GTF2IRD1: variants seen among roughly 807,000 people sequenced by gnomAD.
The protein encoded by GTF2IRD1 is general transcription factor II-I repeat domain-containing protein 1.
GTF2IRD1 carries 26 observed loss-of-function variants against 113.2 expected under a neutral mutation model. That is an observed-to-expected ratio of 0.23 (90% confidence interval 0.17 to 0.32). The LOEUF is 0.32. GTF2IRD1 is among the 10% of genes least tolerant of loss of function. GTF2IRD1 has a pLI of 1.00. For missense variants in GTF2IRD1, 864 were observed against 1,280.8 expected, an observed-to-expected ratio of 0.67 and a Z score of 4.97; for synonymous variants, 484 against 529.1, an observed-to-expected ratio of 0.91 and a Z score of 1.17.
At chr7:74,589,992 C>G in intron 23 of GTF2IRD1, 64 bp downstream of exon 23, 3 of 1,040,388 alleles carry the variant, frequency 2.9e-6, no homozygotes, top group South Asian at 2.7e-5. Context: ...GGGGGCCTCC[C>G]TCTGCAGCCA....
chr7:74,601,344 C>G (rs1051158600), intron 26 of GTF2IRD1, 164 bp downstream of exon 26: 8 of 1,533,136 alleles, frequency 5.2e-6, no homozygotes, highest in Non-Finnish European at 7.0e-6. Context: ...CCACCTGTCT[C>G]ACCCAAGAGG....
chr7:74,515,625 G>GC, intron 4 of GTF2IRD1, 29 bp downstream of exon 4: 1 of 1,585,950 alleles, frequency 6.3e-7, no homozygotes, highest in Non-Finnish European at 8.6e-7. Flanking sequence ...CCATTTGGGG[G>GC]CCCCAGGGAG....
intron 22 of GTF2IRD1, among the ~76,000 whole-genome samples, chr7:74,576,047 G>A (rs1342217135): frequency 6.6e-6 from 1 of 151,940 alleles, no homozygotes; most frequent in Non-Finnish European, 1.5e-5. Context: ...TGTGGTCCCA[G>A]CTACTAGGGA....
intron 12 of GTF2IRD1, among the ~76,000 whole-genome samples, 200 bp from the exon 13 acceptor site, chr7:74,538,480 G>A (rs1481956550): frequency 6.6e-6 from 1 of 152,226 alleles, no homozygotes; most frequent in African/African-American, 2.4e-5. Context: ...CACCGGGTCT[G>A]TAAATCGGAG....
Position 74,558,952 on chromosome 7 carries a change from A to G in GTF2IRD1, c.2199A>G (p.Pro733=). 6.2e-7 allele frequency: 1 copy of G among 1,614,096 alleles called. No individual in the cohort carries two copies. Among genetic ancestry groups the G allele is most frequent in the Non-Finnish European group, 8.5e-7 (1 of 1,180,000 alleles). ...CCGTGATCATCGAGGGGCTGCCCCC[A>G]GGAATCCCGTTCCGAAAGCCCTGTA... The part of the protein sequence containing the change: ...PGSVIIEGLP[P]GIPFRKPCTF... Residue 733 remains proline (P), a synonymous_variant, in exon 21 of 27, where the codon CCA becomes CCG. Transcript: ENST00000424337.
At chr7:74,549,870 T>C (rs1799197887) in intron 17 of GTF2IRD1, among the ~76,000 whole-genome samples, 1 of 152,074 alleles carries the variant, frequency 6.6e-6, no homozygotes, top group Non-Finnish European at 1.5e-5. Context: ...ACCCCATCTC[T>C]ACTAAAAAAT....
intron 9 of GTF2IRD1, among the ~76,000 whole-genome samples, 155 bp from the exon 10 acceptor site, chr7:74,534,958 C>T (rs1480182637): frequency 6.6e-6 from 1 of 152,122 alleles, no homozygotes; most frequent in Admixed American, 6.5e-5. Context: ...CAGACATGCC[C>T]TCTCCTGCCT....
At chr7:74,481,949 G>A (rs1387507341) in intron 1 of GTF2IRD1, among the ~76,000 whole-genome samples, 6 of 152,190 alleles carry the variant, frequency 3.9e-5, no homozygotes, top group East Asian at 1.9e-4. Context: ...CCAGGATTTA[G>A]TGTGAAACTC....
chr7:74,526,208 A>T lies in GTF2IRD1; in HGVS notation c.1090+2054A>T, dbSNP rs189658119. Reference sequence around the variant, plus strand: ...CCTGTCCCACGCTCTGGACTTTCCAAAATGCCAAGCCTTTTCCAAATGTCA... The same window carrying T: ...CCTGTCCCACGCTCTGGACTTTCCATAATGCCAAGCCTTTTCCAAATGTCA... On this transcript the variant is annotated intron_variant, in intron 8 of 26. Transcript: ENST00000424337. Among the ~76,000 whole-genome samples the T allele has an allele frequency of 9.8e-5, 15 of 152,316 alleles. No individual in the cohort carries two copies. The East Asian group carries it at 2.9e-3, about 29-fold the overall frequency.
intron 1 of GTF2IRD1, among the ~76,000 whole-genome samples, chr7:74,502,426 CTCGCA>C (rs1283831274): frequency 2.0e-5 from 3 of 152,248 alleles, no homozygotes; most frequent in Admixed American, 2.0e-4. Flanking sequence ...GCAGAATAGG[CTCGCA>C]CCTGTTAGCT....
At chr7:74,523,989 A>C in intron 7 of GTF2IRD1, 82 bp from the exon 8 acceptor site, 1 of 983,674 alleles carries the variant, frequency 1.0e-6, no homozygotes, top group Non-Finnish European at 1.6e-6. Flanking sequence ...TCTGGGGGTG[A>C]AAGCCCGGTG....
chr7:74,499,796 GTGAA>G (rs1485192285), intron 1 of GTF2IRD1, among the ~76,000 whole-genome samples: 6 of 152,072 alleles, frequency 3.9e-5, no homozygotes, highest in Non-Finnish European at 7.4e-5. Flanking sequence ...GAATGAGTGA[GTGAA>G]TGAATGCACA....
intron 22 of GTF2IRD1, among the ~76,000 whole-genome samples, chr7:74,564,886 G>A (rs1233618105): frequency 6.6e-6 from 1 of 152,164 alleles, no homozygotes; most frequent in East Asian, 1.9e-4. Flanking sequence ...TGGCGGGCAG[G>A]CGTCTAGCTT....
intron 1 of GTF2IRD1, among the ~76,000 whole-genome samples, chr7:74,462,845 C>G (rs1554329736): frequency 6.6e-6 from 1 of 152,218 alleles, no homozygotes; most frequent in Admixed American, 6.5e-5. Context: ...ACCTGCCTGC[C>G]GCTGCCCTCC....
chr7:74,515,711 C>A lies in GTF2IRD1; in HGVS notation c.421+115C>A, dbSNP rs1215388380. 5 of 839,826 alleles carry A rather than the reference C, an allele frequency of 6.0e-6. No homozygotes were observed. In the Admixed American group the frequency reaches 1.1e-4, roughly 19 times the overall value. The allele number at this position is 839,826 out of a possible 1,614,324, so 52.0% of individuals were successfully genotyped here. On this transcript the variant is annotated intron_variant, in intron 4 of 26. Transcript: ENST00000424337. ...TATGGGCCCTGGGCAAAGCCGGACC[C>A]CAAGGCATGGGGCTACTGGCTACCC...
intron 1 of GTF2IRD1, among the ~76,000 whole-genome samples, chr7:74,464,842 C>T (rs1554330435): frequency 6.6e-6 from 1 of 152,124 alleles, no homozygotes; most frequent in African/African-American, 2.4e-5. Flanking sequence ...TTCCCCTGTA[C>T]CCCACCCTTG....
Position 74,529,859 on chromosome 7 carries a change from GT to G in GTF2IRD1, c.1217del (p.Val406AlafsTer4). The G allele has an allele frequency of 6.2e-7, 1 of 1,614,106 alleles. No individual in the cohort carries two copies. Among genetic ancestry groups the G allele is most frequent in the South Asian group, 1.1e-5 (1 of 91,090 alleles). On this transcript the variant is annotated frameshift_variant, in exon 9 of 27. Transcript: ENST00000424337. LOFTEE classifies it high-confidence loss of function. ...IPFKRPCTYG[V>X]PKLKRILEER... is the part of the protein sequence containing the mutation. ...CTTCAAGCGCCCCTGCACTTATGGA[GT>G]CCCCAAGCTGAAGCGGATCCTGGAG... is the stretch of plus-strand genomic sequence containing the variant.
At chr7:74,513,088 C>A in intron 3 of GTF2IRD1, 117 bp downstream of exon 3, 1 of 957,116 alleles carries the variant, frequency 1.0e-6, no homozygotes, top group Non-Finnish European at 1.6e-6. Flanking sequence ...GGGGAGTGAA[C>A]CTAACAAGCT....
chr7:74,574,623 C>CTAA (rs1554363850), intron 22 of GTF2IRD1, among the ~76,000 whole-genome samples: 1 of 151,190 alleles, frequency 6.6e-6, no homozygotes. Context: ...CCGTGCCAGG[C>CTAA]TAATTTTTGT....
Sources: gnomAD v4.1 joint callset for allele counts (sites outside exome capture counted in the v4.1 genomes callset) on GRCh38, gnomAD v4.1.1 for gene constraint, MANE v1.5 for transcripts, NCBI Gene and HGNC (gene_info 2026-07-23, HGNC 2026-07-21) for gene names.